UBR1: variants seen among roughly 807,000 people sequenced by gnomAD.
The protein encoded by UBR1 is E3 ubiquitin-protein ligase UBR1.
A neutral mutation model predicts 242.1 loss-of-function variants in UBR1; 102 were observed. The ratio of observed to expected loss-of-function variants is 0.42; its 90% CI spans 0.36 to 0.50. UBR1 has a LOEUF of 0.50. Ranked by LOEUF, UBR1 falls within the 20% of genes least tolerant of loss-of-function variation. The pLI is 0.01. For missense variants in UBR1, 1,772 were observed against 2,101.8 expected, an observed-to-expected ratio of 0.84 and a Z score of 3.07; for synonymous variants, 675 against 684.8, an observed-to-expected ratio of 0.99 and a Z score of 0.22.
chr15:43,025,388 TTTGTTTTC>T lies in UBR1; in HGVS notation c.2569_2576del (p.Glu857ArgfsTer2), dbSNP rs768867928. The T allele has an allele frequency of 6.2e-7, 1 of 1,609,118 alleles. No homozygotes were observed. Among genetic ancestry groups the T allele is most frequent in the South Asian group, 1.1e-5 (1 of 90,868 alleles). On this transcript the variant is annotated frameshift_variant, in exon 24 of 47. Coordinates refer to ENST00000290650, the MANE Select transcript of UBR1 (RefSeq NM_174916.3). LOFTEE classifies it high-confidence loss of function. ...CAGAATCTCACTTTTTACCTTCATCTTTGTTTTCTTGTTTTCTCCTTTTCTTCTGCATA... is the reference window on the plus strand; with the variant it reads ...CAGAATCTCACTTTTTACCTTCATCTTTGTTTTCTCCTTTTCTTCTGCATA...
At position 43,091,095 on chromosome 15, in the gene UBR1, C is replaced by T. The variant is rs1211100341; in HGVS notation, c.82-4855G>A. 3.9e-5 allele frequency among the ~76,000 whole-genome samples: 6 copies of T among 152,188 alleles called. No individual in the cohort carries two copies. In the East Asian group the frequency reaches 5.8e-4, roughly 15 times the overall value. The stretch of plus-strand genomic sequence containing the variant: ...CTAGGATTACAGGAACGTGCCACCA[C>T]GCCTGGCTAATTTTGTATTTTTAGT... On this transcript the variant is annotated intron_variant, in intron 1 of 46. Transcript: ENST00000290650.
intron 1 of UBR1, 61 bp downstream of exon 1, chr15:43,105,880 TC>T (rs1885375254): frequency 3.3e-6 from 5 of 1,520,580 alleles, no homozygotes; most frequent in Non-Finnish European, 3.7e-6. Flanking sequence ...CCCCACATCC[TC>T]CTAAGCGCAG....
At chr15:43,054,690 T>C (rs1454318636) in intron 12 of UBR1, 52 bp downstream of exon 12, 57 of 1,597,472 alleles carry the variant, frequency 3.6e-5, no homozygotes, top group Non-Finnish European at 4.7e-5. Context: ...ACACAGCAAA[T>C]AAGCACACTG....
chr15:43,035,808 G>A (rs1410361040), intron 19 of UBR1, among the ~76,000 whole-genome samples: 1 of 151,480 alleles, frequency 6.6e-6, no homozygotes, highest in Non-Finnish European at 1.5e-5. Flanking sequence ...TTTTGTATAA[G>A]GTGTAAGGAA....
At chr15:43,062,027 T>G (rs1410721265) in intron 6 of UBR1, among the ~76,000 whole-genome samples, 1 of 152,058 alleles carries the variant, frequency 6.6e-6, no homozygotes, top group East Asian at 1.9e-4. Context: ...GAAACCCTTG[T>G]GCATTGCTGG....
chr15:43,037,578 A>C (rs543764395), intron 17 of UBR1, among the ~76,000 whole-genome samples, 195 bp downstream of exon 17: 1 of 152,270 alleles, frequency 6.6e-6, no homozygotes, highest in South Asian at 2.1e-4. Flanking sequence ...CTAGTTTATA[A>C]TTCAGATGGA....
At chr15:42,980,069 T>C (rs1486693565) in intron 37 of UBR1, among the ~76,000 whole-genome samples, 1 of 152,236 alleles carries the variant, frequency 6.6e-6, no homozygotes, top group Non-Finnish European at 1.5e-5. Flanking sequence ...AGCATGTCTA[T>C]GATACTACCT....
rs1390155449 is a variant in UBR1, at chr15:43,015,885, TG to T, written c.3028-17del. On this transcript the variant is annotated splice_polypyrimidine_tract_variant and intron_variant, in intron 28 of 46. Coordinates refer to ENST00000290650, the MANE Select transcript of UBR1 (RefSeq NM_174916.3). ...CATGAGTAATCTGGGTATTAAGAAATGACAAATTTAGGTAAGATCCACTGTT... is the reference window on the plus strand; with the variant it reads ...CATGAGTAATCTGGGTATTAAGAAATACAAATTTAGGTAAGATCCACTGTT... The T allele has an allele frequency of 6.2e-7, 1 of 1,612,460 alleles. No homozygotes were observed. The highest frequency in any genetic ancestry group is 1.1e-5 in the South Asian group (1 of 91,018).
intron 28 of UBR1, among the ~76,000 whole-genome samples, chr15:43,016,858 G>C (rs2033032305): frequency 6.6e-6 from 1 of 152,142 alleles, no homozygotes. Flanking sequence ...ATTTCTAACA[G>C]AGCTCTACGA....
chr15:43,007,667 C>T (rs1268880178), intron 29 of UBR1, among the ~76,000 whole-genome samples: 2 of 151,564 alleles, frequency 1.3e-5, no homozygotes, highest in Non-Finnish European at 2.9e-5. Context: ...CCTAGAGATA[C>T]CTACTAGTAA....
intron 33 of UBR1, among the ~76,000 whole-genome samples, chr15:42,993,147 CTTG>C (rs1298018622): frequency 6.6e-6 from 1 of 152,110 alleles, no homozygotes; most frequent in Non-Finnish European, 1.5e-5. Flanking sequence ...GCTGTTCATG[CTTG>C]TTGTACAGTT....
rs117259304 is a variant in UBR1 at position 43,037,620 on chromosome 15, A to G, written c.2022+153T>C. 2.6e-5 allele frequency among the ~76,000 whole-genome samples: 4 copies of G among 152,306 alleles called. No individual in the cohort carries two copies. In the East Asian group the frequency reaches 7.7e-4, roughly 29 times the overall value. On this transcript the variant is annotated intron_variant, in intron 17 of 46. Transcript: ENST00000290650. ...AGTGAACAGGATAGGAGAAATGTCT[A>G]TATAGTTCCTAGAACTTTCATTTCT...
At position 43,006,937 on chromosome 15, in the gene UBR1, GATT is replaced by G. The variant is rs1442926670; in HGVS notation, c.3415+139_3415+141del. The G allele has an allele frequency of 8.7e-6, 7 of 801,052 alleles. No homozygotes were observed. The African/African-American group carries it at 1.0e-4, about 12-fold the overall frequency. 49.6% of individuals were successfully genotyped at this position (801,052 alleles called of 1,614,324 possible). On this transcript the variant is annotated intron_variant, in intron 30 of 46. Transcript: ENST00000290650. ...GATTTTATATTAGATAATATTCCTGGATTATTATTACTTTCTTAAATATGATAA... is the reference window on the plus strand; with the variant it reads ...GATTTTATATTAGATAATATTCCTGGATTATTACTTTCTTAAATATGATAA...
intron 1 of UBR1, among the ~76,000 whole-genome samples, chr15:43,102,182 T>G (rs2034245757): frequency 6.6e-6 from 1 of 152,172 alleles, no homozygotes; most frequent in South Asian, 2.1e-4. Flanking sequence ...ACCTTTTGCC[T>G]CATGCCTAAT....
chr15:43,005,705 A>G (rs1338411785), intron 30 of UBR1, among the ~76,000 whole-genome samples: 2 of 152,232 alleles, frequency 1.3e-5, no homozygotes, highest in East Asian at 3.8e-4. Flanking sequence ...CTGTGTAGAA[A>G]GAAGTAGACA....
rs540803196 is a variant in UBR1, at chr15:42,995,430, C to T, written c.3757+2738G>A. Among the ~76,000 whole-genome samples the T allele has an allele frequency of 3.5e-4, 53 of 150,328 alleles. 1 individual carries two copies. The highest frequency in any genetic ancestry group is 6.6e-4 in the Non-Finnish European group (45 of 67,720). On this transcript the variant is annotated intron_variant, in intron 33 of 46. Coordinates refer to ENST00000290650, the MANE Select transcript of UBR1 (RefSeq NM_174916.3). ...ATCCCAGCACTTTGGGAGGCCGAGG[C>T]GGGTGGATCACAAGGTCAGGAGATC...
At chr15:42,988,615 A>C in intron 35 of UBR1, 10 of 656,272 alleles carry the variant, frequency 1.5e-5, no homozygotes, top group Non-Finnish European at 2.1e-5. Flanking sequence ...TATGTTGCAT[A>C]TGGCCACAAT....
chr15:42,993,449 C>G (rs992410842), intron 33 of UBR1, among the ~76,000 whole-genome samples: 4 of 151,824 alleles, frequency 2.6e-5, no homozygotes, highest in African/African-American at 9.7e-5. Flanking sequence ...CTGCAACCTC[C>G]ACCTCCCCGG....
In UBR1 at chr15:43,093,434, C is replaced by A. The variant is rs543540670; in HGVS notation, c.82-7194G>T. Among the ~76,000 whole-genome samples the A allele has an allele frequency of 6.6e-5, 10 of 152,208 alleles. No individual in the cohort carries two copies. The East Asian group carries it at 1.9e-3, about 29-fold the overall frequency. ...GTAATAATTAGAGCATCTCTAGGCACCAAAAATCTTTGATTATACAATGTT... is the reference window on the plus strand; with the variant it reads ...GTAATAATTAGAGCATCTCTAGGCAACAAAAATCTTTGATTATACAATGTT... On this transcript the variant is annotated intron_variant, in intron 1 of 46. Transcript: ENST00000290650.
Sources: gnomAD v4.1 joint callset for allele counts (sites outside exome capture counted in the v4.1 genomes callset) on GRCh38, gnomAD v4.1.1 for gene constraint, MANE v1.5 for transcripts, NCBI Gene and HGNC (gene_info 2026-07-23, HGNC 2026-07-21) for gene names.